The following DOCK4 variants were observed in gnomAD, a reference collection of about 807,000 sequenced individuals.
DOCK4 encodes the protein dedicator of cytokinesis protein 4.
In DOCK4, 97 loss-of-function variants were observed where a neutral mutation model predicts 268.1. The ratio of observed to expected loss-of-function variants is 0.36; its 90% CI spans 0.31 to 0.43. DOCK4 has a LOEUF of 0.43. DOCK4 is among the 20% of genes least tolerant of loss of function. The pLI is 1.00. For synonymous variants in DOCK4, 954 were observed against 887.2 expected (o/e 1.08, Z -1.34); for missense variants, 2,145 against 2,455.7 (o/e 0.87, Z 2.67).
chr7:111,973,169 A>ATATATATATG (rs1797868574), intron 8 of DOCK4, among the ~76,000 whole-genome samples: 1 of 143,910 alleles, frequency 6.9e-6, no homozygotes, highest in Non-Finnish European at 1.5e-5. Context: ...ATATATATAT[A>ATATATATATG]TATATATATA....
intron 29 of DOCK4, 67 bp downstream of exon 29, chr7:111,809,234 T>C (rs1800898480): frequency 8.0e-7 from 1 of 1,254,986 alleles, no homozygotes; most frequent in Non-Finnish European, 1.1e-6. Context: ...TTCTGATTTA[T>C]GAATCATTTG....
intron 1 of DOCK4, among the ~76,000 whole-genome samples, chr7:112,165,533 T>TAC (rs1817523127): frequency 1.5e-5 from 1 of 66,038 alleles, no homozygotes; most frequent in African/African-American, 7.5e-5. Flanking sequence ...CGTGTGTGTG[T>TAC]GTGTGTGTGT....
intron 1 of DOCK4, among the ~76,000 whole-genome samples, chr7:112,091,562 A>G (rs369178745): frequency 5.9e-5 from 9 of 152,312 alleles, no homozygotes; most frequent in South Asian, 2.1e-4. Context: ...AATAGAGACC[A>G]TATCACATTG....
chr7:111,940,418 C>T (rs1472126307), intron 10 of DOCK4, among the ~76,000 whole-genome samples, 176 bp from the exon 11 acceptor site: 1 of 152,166 alleles, frequency 6.6e-6, no homozygotes, highest in African/African-American at 2.4e-5. Context: ...CTCCAGTCAC[C>T]TAGCTGTGTG....
chr7:111,759,928 G>C (rs1445075957), intron 40 of DOCK4, among the ~76,000 whole-genome samples: 2 of 152,122 alleles, frequency 1.3e-5, no homozygotes, highest in Admixed American at 6.5e-5. Context: ...GCAGGGTTGA[G>C]CTATACAAGA....
chr7:111,996,304 G>C (rs552960318), intron 4 of DOCK4, among the ~76,000 whole-genome samples: 1 of 152,168 alleles, frequency 6.6e-6, no homozygotes, highest in South Asian at 2.1e-4. Flanking sequence ...GCATAAAATT[G>C]CCATTTTAGG....
At chr7:111,808,764 C>T in intron 30 of DOCK4, 57 bp downstream of exon 30, 1 of 1,565,842 alleles carries the variant, frequency 6.4e-7, no homozygotes, top group Non-Finnish European at 8.7e-7. Context: ...CATTTGTACA[C>T]TTCAAGGTAC....
intron 1 of DOCK4, among the ~76,000 whole-genome samples, chr7:112,128,680 G>C (rs371563126): frequency 1.6e-4 from 25 of 152,102 alleles, no homozygotes; most frequent in African/African-American, 5.8e-4. Flanking sequence ...TAAGGGCGGT[G>C]CAAGATGTGC....
chr7:111,784,832 C>T (rs747401191), intron 32 of DOCK4, among the ~76,000 whole-genome samples: 1 of 152,124 alleles, frequency 6.6e-6, no homozygotes, highest in Non-Finnish European at 1.5e-5. Flanking sequence ...TGGATACTTC[C>T]CTACCCCTTG....
intron 23 of DOCK4, among the ~76,000 whole-genome samples, chr7:111,860,216 G>A (rs1014506022): frequency 4.6e-5 from 7 of 152,198 alleles, no homozygotes; most frequent in African/African-American, 1.7e-4. Context: ...TAAGTCCACA[G>A]TTTCTGATTT....
intron 1 of DOCK4, among the ~76,000 whole-genome samples, chr7:112,170,845 A>G (rs192385445): frequency 7.9e-5 from 12 of 152,332 alleles, no homozygotes; most frequent in Admixed American, 7.8e-4. Context: ...AGAGAATAGT[A>G]TACACTCAGA....
chr7:112,144,559 T>C (rs1401413608), intron 1 of DOCK4, among the ~76,000 whole-genome samples: 1 of 152,166 alleles, frequency 6.6e-6, no homozygotes, highest in East Asian at 1.9e-4. Flanking sequence ...AGCTGCAACC[T>C]AGGTCAGATC....
chr7:111,920,793 G>C (rs1277408625), intron 12 of DOCK4, among the ~76,000 whole-genome samples: 1 of 151,920 alleles, frequency 6.6e-6, no homozygotes, highest in African/African-American at 2.4e-5. Flanking sequence ...TACAGAGAGA[G>C]ACAGAAAGAG....
intron 36 of DOCK4, among the ~76,000 whole-genome samples, chr7:111,772,352 G>A (rs931916022): frequency 6.6e-6 from 1 of 152,090 alleles, no homozygotes; most frequent in African/African-American, 2.4e-5. Flanking sequence ...CAATCTGGGT[G>A]ATAGAGTGAG....
At position 111,940,231 on chromosome 7, in the gene DOCK4, C is replaced by T; in HGVS notation, c.856G>A (p.Ala286Thr). The T allele has an allele frequency of 1.2e-6, 2 of 1,614,006 alleles. No individual in the cohort carries two copies. Among genetic ancestry groups the T allele is most frequent in the South Asian group, 2.2e-5 (2 of 91,088 alleles). ...CTACAGGCATTCTTTTTTTCTCCTG[C>T]TCCCATTCGACCTGTTCAATTAAAG... ...VHIIRIGRMG[A>T]GEKKNACSVQ... Residue 286 changes from alanine to threonine, a missense_variant, in exon 11 of 53, where the codon GCA becomes ACA. By Grantham distance (58) the Ala-to-Thr change is moderately conservative. Transcript: ENST00000428084.
At chr7:111,823,967 T>C (rs1352691464) in intron 26 of DOCK4, among the ~76,000 whole-genome samples, 1 of 152,200 alleles carries the variant, frequency 6.6e-6, no homozygotes, top group East Asian at 1.9e-4. Flanking sequence ...ATCAAGTCCA[T>C]AAATATTTTG....
chr7:111,733,749 C>T (rs1795276353), intron 51 of DOCK4, among the ~76,000 whole-genome samples: 1 of 152,182 alleles, frequency 6.6e-6, no homozygotes, highest in Non-Finnish European at 1.5e-5. Context: ...AATATATGTA[C>T]ATCGTGAATG....
At chr7:111,962,550 C>T (rs1013471662) in intron 8 of DOCK4, among the ~76,000 whole-genome samples, 8 of 152,048 alleles carry the variant, frequency 5.3e-5, no homozygotes, top group African/African-American at 1.4e-4. Context: ...GATTACCGTG[C>T]GGTACACAAG....
Position 112,005,800 on chromosome 7 carries a change from G to A in DOCK4, c.38-1669C>T, listed in dbSNP as rs139097645. Among the ~76,000 whole-genome samples, 342 of 152,162 alleles carry A rather than the reference G, an allele frequency of 2.2e-3. 2 individuals are homozygous for A. Among genetic ancestry groups the A allele is most frequent in the African/African-American group, 7.9e-3 (329 of 41,498 alleles). On this transcript the variant is annotated intron_variant, in intron 1 of 52. Transcript: ENST00000428084. ...CCTTGTACACCCAGGGCTGCCTCCCGCACTTCTGGCTCTCCTCTCTTTTTC... is the reference window on the plus strand; with the variant it reads ...CCTTGTACACCCAGGGCTGCCTCCCACACTTCTGGCTCTCCTCTCTTTTTC...
Sources: allele counts gnomAD v4.1 joint callset (sites outside exome capture counted in the v4.1 genomes callset), GRCh38; gene constraint gnomAD v4.1.1; transcripts MANE v1.5; gene names NCBI Gene and HGNC (gene_info 2026-07-23, HGNC 2026-07-21).